SRGAP1: variants seen among roughly 807,000 people sequenced by gnomAD.
SRGAP1 encodes SLIT-ROBO Rho GTPase activating protein 1.
A neutral mutation model predicts 121.9 loss-of-function variants in SRGAP1; 43 were observed. That is an observed-to-expected ratio of 0.35 (90% CI 0.28 to 0.46). The LOEUF (loss-of-function observed/expected upper bound fraction) is 0.46. SRGAP1 is among the 20% of genes least tolerant of loss of function. SRGAP1 has a pLI of 1.00. For synonymous variants in SRGAP1, 447 were observed against 485.4 expected, an observed-to-expected ratio of 0.92 and a Z score of 1.04; for missense variants, 1,102 against 1,350.9, an observed-to-expected ratio of 0.82 and a Z score of 2.89.
chr12:64,135,620 T>A (rs555353537), intron 21 of SRGAP1, among the ~76,000 whole-genome samples: 2 of 152,340 alleles, frequency 1.3e-5, no homozygotes, highest in East Asian at 3.9e-4. Context: ...TGCACGTATT[T>A]TGCATAACTC....
At chr12:64,048,477 C>A (rs192445558) in intron 6 of SRGAP1, among the ~76,000 whole-genome samples, 1 of 152,254 alleles carries the variant, frequency 6.6e-6, no homozygotes, top group African/African-American at 2.4e-5. Context: ...ATGCAGATGT[C>A]TCTTTGTTGT....
chr12:64,043,603 C>T (rs775775391), intron 6 of SRGAP1, 28 bp downstream of exon 6: 4 of 1,532,288 alleles, frequency 2.6e-6, no homozygotes, highest in East Asian at 4.6e-5. Flanking sequence ...TTGTCTTTTC[C>T]ATATTAAAAT....
chr12:63,880,909 G>A (rs551259531), intron 1 of SRGAP1, among the ~76,000 whole-genome samples: 4 of 152,248 alleles, frequency 2.6e-5, no homozygotes, highest in South Asian at 2.1e-4. Context: ...TGTTCCAGGC[G>A]TCTCACCAGC....
intron 1 of SRGAP1, among the ~76,000 whole-genome samples, chr12:63,884,719 C>CTTTTTTTT (rs869188491): frequency 8.1e-6 from 1 of 123,858 alleles, no homozygotes; most frequent in Non-Finnish European, 1.7e-5. Context: ...CACCACCATT[C>CTTTTTTTT]TTTTTTTTTT....
intron 6 of SRGAP1, among the ~76,000 whole-genome samples, chr12:64,058,322 T>G (rs2035382046): frequency 6.6e-6 from 1 of 152,210 alleles, no homozygotes; most frequent in Non-Finnish European, 1.5e-5. Context: ...ATTTTTAATT[T>G]ATAGTATTTT....
intron 1 of SRGAP1, among the ~76,000 whole-genome samples, chr12:63,876,422 T>C (rs897207131): frequency 2.0e-5 from 3 of 152,228 alleles, no homozygotes; most frequent in Non-Finnish European, 4.4e-5. Flanking sequence ...TGTAAATGAA[T>C]GTTAATCGCA....
chr12:63,919,698 CTT>C (rs74355871), intron 1 of SRGAP1, among the ~76,000 whole-genome samples: 4,697 of 152,074 alleles, frequency 0.031, 111 homozygotes, highest in Middle Eastern at 0.072. Flanking sequence ...TAATTTTTTT[CTT>C]TCTCTTGCCT....
At chr12:63,867,469 A>G (rs35143986) in intron 1 of SRGAP1, among the ~76,000 whole-genome samples, 43,860 of 152,094 alleles carry the variant, frequency 0.29, 7,207 homozygotes, top group East Asian at 0.55. Context: ...CAGTGATTGA[A>G]CTTCATTTAA....
intron 1 of SRGAP1, among the ~76,000 whole-genome samples, chr12:63,921,480 C>A (rs1238630276): frequency 6.6e-6 from 1 of 152,192 alleles, no homozygotes; most frequent in Non-Finnish European, 1.5e-5. Flanking sequence ...CTTGAAGGCA[C>A]AAATTCATTT....
chr12:64,136,187 T>G (rs11837107), intron 21 of SRGAP1, among the ~76,000 whole-genome samples: 6,007 of 152,248 alleles, frequency 0.039, 398 homozygotes, highest in African/African-American at 0.14. Flanking sequence ...CTTCGCATCC[T>G]TCAATCAAGT....
intron 12 of SRGAP1, chr12:64,091,866 A>G (rs1279099129): frequency 1.3e-6 from 2 of 1,532,836 alleles, no homozygotes. Context: ...CTTCTTTTTC[A>G]TCCTGTATTT....
At chr12:64,091,946 T>G in intron 12 of SRGAP1, 1 of 1,533,736 alleles carries the variant, frequency 6.5e-7, no homozygotes, top group South Asian at 1.2e-5. Context: ...TAGAGGGACG[T>G]GAGGGTGCTC....
chr12:64,137,895 G>A (rs1337855549), intron 21 of SRGAP1, among the ~76,000 whole-genome samples: 1 of 150,360 alleles, frequency 6.7e-6, no homozygotes, highest in Non-Finnish European at 1.5e-5. Flanking sequence ...AGTCACCAGG[G>A]CAGTGGTTCT....
At chr12:64,045,134 A>G (rs1408203468) in intron 6 of SRGAP1, among the ~76,000 whole-genome samples, 2 of 152,208 alleles carry the variant, frequency 1.3e-5, no homozygotes, top group Non-Finnish European at 1.5e-5. Flanking sequence ...ATTTCATTCA[A>G]GTAATCACTT....
At chr12:63,995,617 A>G in intron 3 of SRGAP1, among the ~76,000 whole-genome samples, 1 of 152,174 alleles carries the variant, frequency 6.6e-6, no homozygotes. Context: ...GGGAAGAGGC[A>G]CAACATTTGT....
chr12:63,890,636 G>A (rs1900547902), intron 1 of SRGAP1, among the ~76,000 whole-genome samples: 1 of 152,090 alleles, frequency 6.6e-6, no homozygotes, highest in South Asian at 2.1e-4. Flanking sequence ...GCTGCATCTA[G>A]GATGAGGAAG....
chr12:64,113,283 C>T (rs191537490), intron 17 of SRGAP1, among the ~76,000 whole-genome samples: 3 of 152,198 alleles, frequency 2.0e-5, no homozygotes, highest in Admixed American at 2.0e-4. Context: ...TGGTACGTGC[C>T]TGTAGTCCCA....
At chr12:64,039,953 G>A (rs1053700064) in intron 4 of SRGAP1, among the ~76,000 whole-genome samples, 2 of 140,498 alleles carry the variant, frequency 1.4e-5, no homozygotes, top group Non-Finnish European at 3.2e-5. Context: ...AATTACACAC[G>A]GCTCAGAAAA....
At chr12:64,098,374 A>AAAC (rs2036199734) in intron 15 of SRGAP1, among the ~76,000 whole-genome samples, 1 of 152,060 alleles carries the variant, frequency 6.6e-6, no homozygotes, top group Admixed American at 6.6e-5. Context: ...AAAAAAAAAA[A>AAAC]AACTGGGTTG....
Sources: allele counts gnomAD v4.1 joint callset (sites outside exome capture counted in the v4.1 genomes callset), GRCh38; gene constraint gnomAD v4.1.1; transcripts MANE v1.5; gene names NCBI Gene and HGNC (gene_info 2026-07-23, HGNC 2026-07-21).